Variants in UNC5D observed in about 807,000 individuals in gnomAD.
The protein encoded by UNC5D is netrin receptor UNC5D.
Under a neutral mutation model 105.4 loss-of-function variants are expected in UNC5D, and 39 were observed. The ratio of observed to expected loss-of-function variants is 0.37; its 90% CI spans 0.29 to 0.48. UNC5D has a LOEUF of 0.48. UNC5D is among the 20% of genes least tolerant of loss of function. The probability of loss-of-function intolerance (pLI) is 0.98; values close to 1 mark genes in which losing one functional copy is unlikely to be tolerated. For synonymous variants in UNC5D, 452 were observed against 450.4 expected (o/e 1.00, Z -0.04); for missense variants, 991 against 1,202.4 (o/e 0.82, Z 2.60).
intron 1 of UNC5D, among the ~76,000 whole-genome samples, chr8:35,366,847 A>G (rs577638482): frequency 1.3e-5 from 2 of 152,316 alleles, no homozygotes; most frequent in Admixed American, 6.5e-5. Flanking sequence ...CACATGGTAG[A>G]CAGCCTGATC....
At chr8:35,457,065 A>G (rs1415573132) in intron 1 of UNC5D, among the ~76,000 whole-genome samples, 1 of 152,032 alleles carries the variant, frequency 6.6e-6, no homozygotes, top group African/African-American at 2.4e-5. Flanking sequence ...ACTTGACTTC[A>G]TTTTCCTTCT....
At chr8:35,481,638 C>G (rs1232521992) in intron 1 of UNC5D, among the ~76,000 whole-genome samples, 1 of 152,144 alleles carries the variant, frequency 6.6e-6, no homozygotes, top group Non-Finnish European at 1.5e-5. Context: ...GTAGAGATTA[C>G]TCTTAAAAGG....
intron 1 of UNC5D, among the ~76,000 whole-genome samples, chr8:35,292,299 A>G (rs1807127877): frequency 1.3e-5 from 2 of 152,152 alleles, no homozygotes; most frequent in Non-Finnish European, 2.9e-5. Flanking sequence ...ATCTCTAATT[A>G]CCTTTATCTA....
At chr8:35,556,896 A>G (rs7818666) in intron 2 of UNC5D, among the ~76,000 whole-genome samples, 34,752 of 152,110 alleles carry the variant, frequency 0.23, 6,124 homozygotes, top group African/African-American at 0.48. Context: ...GCCCTCACTC[A>G]AAATGGAGTT....
intron 1 of UNC5D, among the ~76,000 whole-genome samples, chr8:35,254,139 T>C (rs1225192749): frequency 2.0e-5 from 3 of 152,200 alleles, no homozygotes; most frequent in Non-Finnish European, 4.4e-5. Flanking sequence ...CTCCCAATTA[T>C]GTTGTAAACT....
At chr8:35,314,730 A>G (rs1283657553) in intron 1 of UNC5D, among the ~76,000 whole-genome samples, 3 of 152,154 alleles carry the variant, frequency 2.0e-5, no homozygotes, top group African/African-American at 7.2e-5. Context: ...GCACTGTAAT[A>G]AAGAGTTGCT....
chr8:35,431,834 A>C (rs1303067692), intron 1 of UNC5D, among the ~76,000 whole-genome samples: 2 of 152,148 alleles, frequency 1.3e-5, no homozygotes, highest in African/African-American at 4.8e-5. Flanking sequence ...TAATATTTAA[A>C]AGTAATTTAT....
intron 3 of UNC5D, among the ~76,000 whole-genome samples, chr8:35,575,459 G>A (rs555956206): frequency 2.0e-4 from 31 of 152,002 alleles, no homozygotes; most frequent in Non-Finnish European, 3.5e-4. Context: ...TCTTGTTTGT[G>A]CACTCCTAAC....
At chr8:35,658,849 G>A (rs1290523995) in intron 4 of UNC5D, among the ~76,000 whole-genome samples, 1 of 152,084 alleles carries the variant, frequency 6.6e-6, no homozygotes, top group Non-Finnish European at 1.5e-5. Flanking sequence ...TAGAGACGGG[G>A]TTTCACCGTG....
Position 35,404,667 on chromosome 8 carries a change from A to C in UNC5D, c.104-144625A>C, listed in dbSNP as rs11775311. ...CAGTGGTGCAATCTCGACTCACTGC[A>C]ACCTCTGCCTCCTGGGTTCAAGAGA... On this transcript the variant is annotated intron_variant, in intron 1 of 16. Coordinates refer to ENST00000404895, the MANE Select transcript of UNC5D (RefSeq NM_080872.4). Among the ~76,000 whole-genome samples, 156 of 152,138 alleles carry C rather than the reference A, an allele frequency of 1.0e-3. 1 individual carries two copies. The highest frequency in any genetic ancestry group is 3.7e-3 in the African/African-American group (154 of 41,498).
At chr8:35,257,522 T>C (rs146347065) in intron 1 of UNC5D, among the ~76,000 whole-genome samples, 1 of 152,282 alleles carries the variant, frequency 6.6e-6, no homozygotes, top group African/African-American at 2.4e-5. Context: ...AGGTTTAAAA[T>C]TGCAATAGTA....
chr8:35,675,147 C>T (rs1245155594), intron 4 of UNC5D, among the ~76,000 whole-genome samples: 1 of 152,090 alleles, frequency 6.6e-6, no homozygotes, highest in African/African-American at 2.4e-5. Context: ...ATTAGTGGCT[C>T]CCAGAATATA....
chr8:35,466,070 A>G (rs1034714161), intron 1 of UNC5D, among the ~76,000 whole-genome samples: 2 of 152,308 alleles, frequency 1.3e-5, no homozygotes, highest in Admixed American at 6.5e-5. Flanking sequence ...CTTCAGAACT[A>G]TAAGATGACG....
chr8:35,281,805 A>C (rs1178497130), intron 1 of UNC5D, among the ~76,000 whole-genome samples: 2 of 152,198 alleles, frequency 1.3e-5, no homozygotes, highest in African/African-American at 2.4e-5. Context: ...CTAAGCAGAT[A>C]TTCTTCTCTC....
chr8:35,724,094 C>CA, intron 9 of UNC5D: 1 of 1,370,058 alleles, frequency 7.3e-7, no homozygotes, highest in East Asian at 2.6e-5. Flanking sequence ...CGTGGAGCAC[C>CA]AGGCAGCAGG....
intron 1 of UNC5D, among the ~76,000 whole-genome samples, chr8:35,444,303 C>A (rs1405779625): frequency 6.6e-6 from 1 of 152,026 alleles, no homozygotes; most frequent in African/African-American, 2.4e-5. Context: ...GAGGACTTGG[C>A]TAATTTCAGT....
intron 1 of UNC5D, among the ~76,000 whole-genome samples, chr8:35,497,088 A>G (rs188625796): frequency 6.6e-6 from 1 of 152,276 alleles, no homozygotes; most frequent in Admixed American, 6.5e-5. Context: ...AAATGGTTAA[A>G]TTTGTGTATT....
chr8:35,550,618 G>A (rs1586110121), intron 2 of UNC5D, among the ~76,000 whole-genome samples: 1 of 152,298 alleles, frequency 6.6e-6, no homozygotes, highest in East Asian at 1.9e-4. Context: ...ATAGCCCATA[G>A]GGGTGAACTT....
intron 2 of UNC5D, among the ~76,000 whole-genome samples, chr8:35,554,210 C>T (rs1354975335): frequency 6.6e-6 from 1 of 152,090 alleles, no homozygotes; most frequent in Non-Finnish European, 1.5e-5. Context: ...GGTAATTTGG[C>T]CCTGTCATCT....
Sources: allele counts gnomAD v4.1 joint callset (sites outside exome capture counted in the v4.1 genomes callset), GRCh38; gene constraint gnomAD v4.1.1; transcripts MANE v1.5; gene names NCBI Gene and HGNC (gene_info 2026-07-23, HGNC 2026-07-21).